The following CD72 variants were observed in gnomAD, a reference collection of about 807,000 sequenced individuals.
CD72 encodes B-cell differentiation antigen CD72.
A neutral mutation model predicts 50.7 loss-of-function variants in CD72; 28 were observed. The observed-to-expected ratio is 0.55, with a 90% CI of 0.41 to 0.76. The LOEUF (loss-of-function observed/expected upper bound fraction) is 0.76. Among genes scored for constraint, CD72 ranks in the 30% least tolerant of loss-of-function variants. The probability of loss-of-function intolerance (pLI) is 0.00; values close to 1 mark genes in which losing one functional copy is unlikely to be tolerated. For synonymous variants in CD72, 176 were observed against 171.2 expected (o/e 1.03, Z -0.22); for missense variants, 403 against 420.6 (o/e 0.96, Z 0.37).
chr9:35,626,937 C>A (rs1308897350), intron 1 of CD72, among the ~76,000 whole-genome samples: 1 of 151,590 alleles, frequency 6.6e-6, no homozygotes, highest in Non-Finnish European at 1.5e-5. Flanking sequence ...CTGCAAGCTC[C>A]GCCTCCTGGG....
intron 8 of CD72, 104 bp downstream of exon 8, chr9:35,610,498 G>A: frequency 5.1e-6 from 3 of 586,494 alleles, no homozygotes; most frequent in Non-Finnish European, 7.5e-6. Context: ...TTTCATCCCA[G>A]GTACAAGTTT....
rs1318265030 is a variant in CD72 at position 35,618,284 on chromosome 9, T to C, written c.20A>G (p.Tyr7Cys). 2.5e-6 allele frequency: 4 copies of C among 1,614,114 alleles called. No individual in the cohort carries two copies. The highest frequency in any genetic ancestry group is 3.4e-6 in the Non-Finnish European group (4 of 1,179,966). Residue 7 changes from tyrosine to cysteine, a missense_variant, in exon 1 of 9, where the codon TAT (tyrosine) becomes TGT (cysteine). Physicochemically the swap from Tyr to Cys is radical, Grantham distance 194. Transcript: ENST00000259633. MAEAIT[Y>C]ADLRFVKAPL... ...AGCCTTCACAAACCTCAGATCTGCA[T>C]AGGTGATGGCCTCAGCCATGGTCCT...
At position 35,616,960 on chromosome 9, in the gene CD72, G is replaced by C. The variant is rs530842680; in HGVS notation, c.262+216C>G. 8 of 1,415,856 alleles carry C rather than the reference G, an allele frequency of 5.7e-6. No individual in the cohort carries two copies. The South Asian group carries it at 1.2e-4, about 21-fold the overall frequency. 87.7% of individuals were successfully genotyped at this position (1,415,856 alleles called of 1,614,324 possible). On this transcript the variant is annotated intron_variant, in intron 3 of 8. Transcript: ENST00000259633. ...ATCAGACGGAGAGAGGGGAAGGGGG[G>C]CAGGTAGGTGAATTGGGACCATCCG...
chr9:35,641,187 G>C (rs994972630), intron 1 of CD72, among the ~76,000 whole-genome samples: 5 of 136,650 alleles, frequency 3.7e-5, no homozygotes, highest in Non-Finnish European at 6.9e-5. Context: ...GATTTCCTCG[G>C]GGGGGGTGCC....
At position 35,618,402 on chromosome 9, in the gene CD72, C is replaced by A; in HGVS notation, c.-99G>T. ...CGTTTACAACTAGGCTCTGTGTTCCCTCTGTGACTGCACGGCTTAGCAATT... is the reference window on the plus strand; with the variant it reads ...CGTTTACAACTAGGCTCTGTGTTCCATCTGTGACTGCACGGCTTAGCAATT... On this transcript the variant is annotated 5_prime_UTR_variant, in exon 1 of 9. In the 5' UTR this introduces an upstream ATG that the reference lacks. Coordinates refer to ENST00000259633, the MANE Select transcript of CD72 (RefSeq NM_001782.3). The A allele has an allele frequency of 1.3e-6, 2 of 1,573,190 alleles. No individual in the cohort carries two copies.
chr9:35,616,671 C>T lies in CD72; in HGVS notation c.281G>A (p.Arg94Gln), dbSNP rs367704318. Residue 94 changes from arginine to glutamine, a missense_variant, in exon 4 of 9, where the codon CGA becomes CAA. By Grantham distance (43) the Arg-to-Gln change is conservative. Coordinates refer to ENST00000259633, the MANE Select transcript of CD72 (RefSeq NM_001782.3). The part of the protein sequence containing the change: ...RILPCRTTCL[R>Q]YLLLGLLLTC... ...GAGGAGCAGGCCGAGCAGGAGGTAT[C>T]GCAGGCAGGTTGTGCGGCCTTAGGG... is the stretch of plus-strand genomic sequence containing the variant. 4 of 1,613,542 alleles carry T rather than the reference C, an allele frequency of 2.5e-6. No homozygotes were observed. In the African/African-American group the frequency reaches 5.3e-5, roughly 22 times the overall value.
intron 7 of CD72, among the ~76,000 whole-genome samples, chr9:35,611,198 C>A (rs1241215976): frequency 6.6e-6 from 1 of 151,214 alleles, no homozygotes; most frequent in East Asian, 2.0e-4. Flanking sequence ...TTGCAGTGAG[C>A]TGAGATTGCA....
At chr9:35,625,767 G>A (rs944467388) in intron 1 of CD72, among the ~76,000 whole-genome samples, 2 of 152,130 alleles carry the variant, frequency 1.3e-5, no homozygotes, top group African/African-American at 4.8e-5. Flanking sequence ...GAATCCTAGG[G>A]CCCTTAAGAA....
At chr9:35,613,076 C>A in intron 5 of CD72, 83 bp from the exon 6 acceptor site, 1 of 1,188,816 alleles carries the variant, frequency 8.4e-7, no homozygotes, top group South Asian at 1.4e-5. Flanking sequence ...AATATTCCCC[C>A]AGAGCTAATC....
intron 1 of CD72, among the ~76,000 whole-genome samples, chr9:35,632,021 T>C (rs1823250724): frequency 6.6e-6 from 1 of 152,202 alleles, no homozygotes; most frequent in Non-Finnish European, 1.5e-5. Flanking sequence ...CACCTTCCTA[T>C]TGCAGTCTTT....
chr9:35,610,583 C>A lies in CD72; in HGVS notation c.*22+19G>T. 2 of 1,600,604 alleles carry A rather than the reference C, an allele frequency of 1.2e-6. No individual in the cohort carries two copies. The highest frequency in any genetic ancestry group is 1.7e-6 in the Non-Finnish European group (2 of 1,171,580). ...TGCCCCTGGACTCCCCATGCCTCAG[C>A]CCCATCCCTCACTCTTACCAACTCA... On this transcript the variant is annotated intron_variant, in intron 8 of 8. Coordinates refer to ENST00000259633, the MANE Select transcript of CD72 (RefSeq NM_001782.3).
At chr9:35,611,716 G>A (rs916192941) in intron 7 of CD72, 88 bp downstream of exon 7, 10 of 747,702 alleles carry the variant, frequency 1.3e-5, no homozygotes, top group Non-Finnish European at 2.4e-5. Context: ...GAGTCCTGAG[G>A]GGACCAGGTG....
chr9:35,622,380 C>CG, upstream of CD72, among the ~76,000 whole-genome samples: 1 of 152,296 alleles, frequency 6.6e-6, no homozygotes, highest in Non-Finnish European at 1.5e-5. Context: ...ACAGAAAGCA[C>CG]GTTCTCTGTG....
At chr9:35,640,275 TA>T (rs763075565) in intron 1 of CD72, among the ~76,000 whole-genome samples, 25 of 152,352 alleles carry the variant, frequency 1.6e-4, no homozygotes, top group Admixed American at 3.9e-4. Context: ...CAACTAGCTA[TA>T]AATTTGGTGA....
intron 1 of CD72, among the ~76,000 whole-genome samples, chr9:35,636,064 T>A (rs1186001272): frequency 6.6e-6 from 1 of 152,184 alleles, no homozygotes; most frequent in Non-Finnish European, 1.5e-5. Context: ...TTACTTTTAT[T>A]TTTTCCCCTA....
At chr9:35,616,549 C>T in intron 4 of CD72, 51 bp downstream of exon 4, 5 of 1,391,562 alleles carry the variant, frequency 3.6e-6, no homozygotes, top group Non-Finnish European at 4.1e-6. Context: ...GGGCGAGAGT[C>T]GGGACGAAAG....
intron 3 of CD72, chr9:35,616,909 G>A: frequency 7.7e-7 from 1 of 1,301,236 alleles, no homozygotes; most frequent in Non-Finnish European, 1.0e-6. Context: ...ACTCGGGGGC[G>A]TTACCTGGGA....
chr9:35,632,882 T>C (rs1823258580), intron 1 of CD72, among the ~76,000 whole-genome samples: 1 of 151,910 alleles, frequency 6.6e-6, no homozygotes, highest in African/African-American at 2.4e-5. Flanking sequence ...CCAGCCTTAT[T>C]AGCTCTTTTA....
chr9:35,622,970 G>A (rs1217053260), upstream of CD72, among the ~76,000 whole-genome samples: 1 of 152,102 alleles, frequency 6.6e-6, no homozygotes, highest in African/African-American at 2.4e-5. Context: ...AGGCAGGTGT[G>A]ATGGCACATG....
Sources: allele counts gnomAD v4.1 joint callset (sites outside exome capture counted in the v4.1 genomes callset), GRCh38; gene constraint gnomAD v4.1.1; transcripts MANE v1.5; gene names NCBI Gene and HGNC (gene_info 2026-07-23, HGNC 2026-07-21).